Variants in AP1S3 observed in about 807,000 individuals in gnomAD.
AP1S3 encodes AP-1 complex subunit sigma-3.
Under a neutral mutation model 20.9 loss-of-function variants are expected in AP1S3, and 10 were observed. That is an observed-to-expected ratio of 0.48 (90% CI 0.29 to 0.81). The LOEUF is 0.81. AP1S3 is among the 30% of genes least tolerant of loss of function. The pLI, the probability that AP1S3 is intolerant of heterozygous loss-of-function variation, is 0.08. For synonymous variants in AP1S3, 41 were observed against 61.5 expected (o/e 0.67, Z 1.56); for missense variants, 154 against 183.8 (o/e 0.84, Z 0.94).
chr2:223,826,171 T>C (rs1692123419), intron 1 of AP1S3, among the ~76,000 whole-genome samples: 1 of 152,200 alleles, frequency 6.6e-6, no homozygotes, highest in African/African-American at 2.4e-5. Context: ...TGATTGAATT[T>C]CTCCTGGAGT....
intron 1 of AP1S3, among the ~76,000 whole-genome samples, chr2:223,833,882 TTTTATTTATTTATTTATTTA>T (rs71408596): frequency 8.2e-5 from 12 of 146,032 alleles, no homozygotes; most frequent in South Asian, 2.2e-4. Context: ...TTTACACTCT[TTTTATTTATTTATTTATTTA>T]TTTATTTATT....
At chr2:223,767,003 A>G (rs560683799) in intron 3 of AP1S3, among the ~76,000 whole-genome samples, 15 of 151,708 alleles carry the variant, frequency 9.9e-5, no homozygotes, top group African/African-American at 3.4e-4. Context: ...GAGTTGAACA[A>G]TGAGAACACA....
Position 223,793,176 on chromosome 2 carries a change from G to A in AP1S3, c.4-15307C>T, listed in dbSNP as rs189298026. ...GAAGACAGTGTCGCAATCCCTCAAA[G>A]ACCTACAGGCAGAAACGCCAATTGA... On this transcript the variant is annotated intron_variant, in intron 1 of 4. Coordinates refer to ENST00000396654, the MANE Select transcript of AP1S3 (RefSeq NM_001039569.2). Among the ~76,000 whole-genome samples, 510 of 152,286 alleles carry A rather than the reference G, an allele frequency of 3.3e-3. 1 individual carries two copies. The highest frequency in any genetic ancestry group is 0.01 in the Middle Eastern group (3 of 294).
intron 1 of AP1S3, among the ~76,000 whole-genome samples, chr2:223,786,105 G>T (rs1280994886): frequency 6.6e-6 from 1 of 152,112 alleles, no homozygotes; most frequent in Non-Finnish European, 1.5e-5. Flanking sequence ...ATTTTGTTGT[G>T]AACTTAACAC....
chr2:223,796,651 G>C (rs1691344853), intron 1 of AP1S3, among the ~76,000 whole-genome samples: 1 of 151,990 alleles, frequency 6.6e-6, no homozygotes, highest in Non-Finnish European at 1.5e-5. Context: ...TTATGGGTGT[G>C]TATTCTTCTA....
At chr2:223,809,772 A>G (rs1691677916) in intron 1 of AP1S3, among the ~76,000 whole-genome samples, 1 of 148,120 alleles carries the variant, frequency 6.8e-6, no homozygotes, top group Non-Finnish European at 1.5e-5. Flanking sequence ...TCTGTCGCCC[A>G]GGCTGGAATG....
At position 223,835,319 on chromosome 2, in the gene AP1S3, A is replaced by G. The variant is rs76938824; in HGVS notation, c.3+2129T>C. Among the ~76,000 whole-genome samples, 919 of 152,346 alleles carry G rather than the reference A, an allele frequency of 6.0e-3. 10 individuals carry two copies. The highest frequency in any genetic ancestry group is 0.021 in the African/African-American group (867 of 41,588). On this transcript the variant is annotated intron_variant, in intron 1 of 4. Coordinates refer to ENST00000396654, the MANE Select transcript of AP1S3 (RefSeq NM_001039569.2). ...GGATTGAATGAGATCGTGAATATAA[A>G]GAGCAGGACATCCTGCTTGTCTTAT...
Position 223,756,453 on chromosome 2 carries a change from G to GAAAGAAAGAAAGAAAAGAAAGAAAGA in AP1S3, c.*2236_*2261dup, listed in dbSNP as rs559533193. ...GAAGGAAGGAAGAAAGGAAGGAAAA[G>GAAAGAAAGAAAGAAAAGAAAGAAAGA]AAAGAAAGAAAGAAAAGAAAGAAAG... On this transcript the variant is annotated 3_prime_UTR_variant, in exon 5 of 5. Coordinates refer to ENST00000396654, the MANE Select transcript of AP1S3 (RefSeq NM_001039569.2). 8.8e-5 allele frequency: 66 copies of GAAAGAAAGAAAGAAAAGAAAGAAAGA among 751,676 alleles called. No individual in the cohort carries two copies. The African/African-American group carries it at 1.2e-3, about 13-fold the overall frequency. The allele number at this position is 751,676 out of a possible 1,614,324, so 46.6% of individuals were successfully genotyped here.
At chr2:223,811,601 T>G (rs1691731580) in intron 1 of AP1S3, among the ~76,000 whole-genome samples, 1 of 151,892 alleles carries the variant, frequency 6.6e-6, no homozygotes, top group Non-Finnish European at 1.5e-5. Flanking sequence ...AAATATCTAT[T>G]AAGCCCTTTG....
intron 1 of AP1S3, among the ~76,000 whole-genome samples, chr2:223,778,927 A>T (rs867785156): frequency 6.6e-6 from 1 of 151,912 alleles, no homozygotes. Flanking sequence ...TCAAACTCCT[A>T]GTCTCAGACG....
At chr2:223,783,618 A>G (rs1230985484) in intron 1 of AP1S3, among the ~76,000 whole-genome samples, 1 of 152,212 alleles carries the variant, frequency 6.6e-6, no homozygotes, top group Non-Finnish European at 1.5e-5. Context: ...CGGTGTCCGC[A>G]TCTTCCTTCT....
At chr2:223,770,342 A>C in intron 3 of AP1S3, 6 of 1,549,882 alleles carry the variant, frequency 3.9e-6, no homozygotes, top group Non-Finnish European at 5.2e-6. Context: ...AGTGAACCTG[A>C]CAGATACTAA....
intron 1 of AP1S3, among the ~76,000 whole-genome samples, chr2:223,783,592 G>C (rs1016640029): frequency 4.6e-5 from 7 of 152,242 alleles, no homozygotes; most frequent in Non-Finnish European, 7.3e-5. Flanking sequence ...CCAGTCTGCT[G>C]AGTCTGCGCC....
chr2:223,781,793 AC>A (rs762642162), intron 1 of AP1S3, among the ~76,000 whole-genome samples: 9 of 152,126 alleles, frequency 5.9e-5, no homozygotes, highest in Admixed American at 1.3e-4. Flanking sequence ...TGCCTAGTGA[AC>A]AGTTCCATTT....
chr2:223,816,944 T>C (rs1003333266), intron 1 of AP1S3, among the ~76,000 whole-genome samples: 3 of 151,754 alleles, frequency 2.0e-5, no homozygotes, highest in East Asian at 2.0e-4. Flanking sequence ...CCTAGCCATA[T>C]TGAAACCCTG....
intron 1 of AP1S3, among the ~76,000 whole-genome samples, chr2:223,826,384 G>C (rs1326287692): frequency 6.6e-6 from 1 of 152,118 alleles, no homozygotes; most frequent in African/African-American, 2.4e-5. Context: ...CTTGAGGTCA[G>C]GAGTTCGAGA....
chr2:223,768,636 C>G (rs6714444), intron 3 of AP1S3, among the ~76,000 whole-genome samples: 8,799 of 152,184 alleles, frequency 0.058, 356 homozygotes, highest in East Asian at 0.17. Context: ...AGGCAGATCA[C>G]TTGAGGTCAA....
At chr2:223,774,434 A>T (rs1690713155) in intron 3 of AP1S3, among the ~76,000 whole-genome samples, 1 of 152,028 alleles carries the variant, frequency 6.6e-6, no homozygotes, top group Non-Finnish European at 1.5e-5. Context: ...TCAAGGATGG[A>T]GGAGTGGTCA....
chr2:223,788,378 C>T (rs1574703876), intron 1 of AP1S3, among the ~76,000 whole-genome samples: 1 of 149,446 alleles, frequency 6.7e-6, no homozygotes, highest in Admixed American at 6.6e-5. Context: ...TCTGGGAGAC[C>T]GAGGCGGGCA....
Sources: allele counts gnomAD v4.1 joint callset (sites outside exome capture counted in the v4.1 genomes callset), GRCh38; gene constraint gnomAD v4.1.1; transcripts MANE v1.5; gene names NCBI Gene and HGNC (gene_info 2026-07-23, HGNC 2026-07-21).